Variants in PCDHA5 observed in about 807,000 individuals in gnomAD.
PCDHA5 encodes the protein protocadherin alpha 5.
Under a neutral mutation model 61.6 loss-of-function variants are expected in PCDHA5, and 43 were observed. The observed-to-expected ratio is 0.70, with a 90% CI of 0.55 to 0.90. PCDHA5 has a LOEUF of 0.90. Ranked by LOEUF, PCDHA5 falls within the 40% of genes least tolerant of loss-of-function variation. The pLI is 0.00. For missense variants in PCDHA5, 1,298 were observed against 1,222.7 expected, an observed-to-expected ratio of 1.06 and a Z score of -0.92; for synonymous variants, 627 against 543.9, an observed-to-expected ratio of 1.15 and a Z score of -2.13.
chr5:141,011,876 A>G lies in PCDHA5; in HGVS notation c.*1939A>G, dbSNP rs2098422094. ...AATTTTGTTATAATGTACAATTTAG[A>G]AGTTTGATTAATTATATTATCTATT... On this transcript the variant is annotated 3_prime_UTR_variant, in exon 4 of 4. Coordinates refer to ENST00000529859, the MANE Select transcript of PCDHA5 (RefSeq NM_018908.3). 6.5e-6 allele frequency: 1 copy of G among 153,584 alleles called. No individual in the cohort carries two copies. The highest frequency in any genetic ancestry group is 2.4e-5 in the African/African-American group (1 of 41,298). 9.5% of individuals were successfully genotyped at this position (153,584 alleles called of 1,614,324 possible).
intron 1 of PCDHA5, chr5:140,883,650 C>A: frequency 6.2e-7 from 1 of 1,613,572 alleles, no homozygotes; most frequent in East Asian, 2.2e-5. Flanking sequence ...CCCGAGTACA[C>A]GGTGTTCGTG....
chr5:140,916,721 T>G (rs2077698319), intron 1 of PCDHA5, among the ~76,000 whole-genome samples: 1 of 152,186 alleles, frequency 6.6e-6, no homozygotes, highest in Non-Finnish European at 1.5e-5. Context: ...AAGGAGTGAC[T>G]TTTGTTGCTG....
rs115795241 is a variant in PCDHA5, at chr5:140,931,728, G to A, written c.2353-47221G>A. 2.8e-3 allele frequency among the ~76,000 whole-genome samples: 427 copies of A among 151,850 alleles called. 1 individual carries two copies. The highest frequency in any genetic ancestry group is 4.4e-3 in the Non-Finnish European group (297 of 67,780). ...GAATAAAATAACTTCTATAAATATGGGGTATTTGTAATTCACAAAGGCATT... is the reference window on the plus strand; with the variant it reads ...GAATAAAATAACTTCTATAAATATGAGGTATTTGTAATTCACAAAGGCATT... On this transcript the variant is annotated intron_variant, in intron 1 of 3. Coordinates refer to ENST00000529859, the MANE Select transcript of PCDHA5 (RefSeq NM_018908.3).
At chr5:140,842,163 T>G (rs1777744239) in intron 1 of PCDHA5, 1 of 1,613,748 alleles carries the variant, frequency 6.2e-7, no homozygotes, top group African/African-American at 1.3e-5. Context: ...TCATATTCTT[T>G]TAATAGCCTT....
At chr5:140,977,373 A>G (rs1167438428) in intron 1 of PCDHA5, among the ~76,000 whole-genome samples, 1 of 152,168 alleles carries the variant, frequency 6.6e-6, no homozygotes, top group Non-Finnish European at 1.5e-5. Flanking sequence ...TATTTTAGTC[A>G]TATTTCCAGG....
At chr5:140,892,721 T>A (rs1554185338) in intron 1 of PCDHA5, among the ~76,000 whole-genome samples, 1 of 152,226 alleles carries the variant, frequency 6.6e-6, no homozygotes, top group Admixed American at 6.5e-5. Flanking sequence ...ATTCATAATC[T>A]CAAACATTTA....
chr5:140,992,584 T>C (rs1327367703), intron 3 of PCDHA5, among the ~76,000 whole-genome samples: 1 of 152,194 alleles, frequency 6.6e-6, no homozygotes, highest in Non-Finnish European at 1.5e-5. Context: ...CTGCCTTGTA[T>C]GCATCTAGCG....
chr5:140,994,784 A>G (rs1245945274), intron 3 of PCDHA5, among the ~76,000 whole-genome samples: 2 of 152,202 alleles, frequency 1.3e-5, no homozygotes, highest in Non-Finnish European at 2.9e-5. Flanking sequence ...CAAAGGAAAC[A>G]ATGCGTGCAT....
chr5:140,873,131 T>C (rs895883185), intron 1 of PCDHA5, among the ~76,000 whole-genome samples: 7 of 152,334 alleles, frequency 4.6e-5, no homozygotes, highest in Admixed American at 3.9e-4. Context: ...TCAAAGAGTC[T>C]ATGCTGAAGC....
chr5:140,846,537 G>A (rs1780542061), intron 1 of PCDHA5, among the ~76,000 whole-genome samples: 1 of 148,262 alleles, frequency 6.7e-6, no homozygotes, highest in Admixed American at 6.8e-5. Context: ...ACCATGCCCT[G>A]CTAATTTTTT....
chr5:140,843,822 A>T, intron 1 of PCDHA5: 1 of 1,214,324 alleles, frequency 8.2e-7, no homozygotes, highest in Non-Finnish European at 1.2e-6. Context: ...GTGAAAATTT[A>T]AACATTGTTT....
At chr5:140,858,233 G>A in intron 1 of PCDHA5, 2 of 1,596,216 alleles carry the variant, frequency 1.3e-6, no homozygotes, top group Non-Finnish European at 1.7e-6. Flanking sequence ...CACCGAGGGC[G>A]CATGTGGGCC....
chr5:140,834,507 G>A (rs139562115), intron 1 of PCDHA5: 2 of 1,614,136 alleles, frequency 1.2e-6, no homozygotes, highest in South Asian at 1.1e-5. Flanking sequence ...GGCTAAACAT[G>A]GCAACTTCGT....
At chr5:140,828,286 G>T (rs1479873419) in intron 1 of PCDHA5, 1 of 1,614,136 alleles carries the variant, frequency 6.2e-7, no homozygotes, top group Admixed American at 1.7e-5. Context: ...GCCTGTTCAG[G>T]ATGGCCTCCA....
rs782047530 is a variant in PCDHA5, at chr5:140,823,814, G to A, written c.2039G>A (p.Arg680Gln). Residue 680 changes from arginine to glutamine, a missense_variant, in exon 1 of 4, where the codon CGG (arginine) becomes CAG (glutamine). Physicochemically the swap from Arg to Gln is conservative, Grantham distance 43. Transcript: ENST00000529859. ...GGCCAGGCGCCGAAGGCCTCATCGCGGGCGTCGGCGGGCGCTGTGGGTCCC... is the reference window on the plus strand; with the variant it reads ...GGCCAGGCGCCGAAGGCCTCATCGCAGGCGTCGGCGGGCGCTGTGGGTCCC... ...ESGQAPKASSRASAGAVGPEA... is the reference protein window; with the variant it reads ...ESGQAPKASSQASAGAVGPEA... The A allele has an allele frequency of 6.2e-7, 1 of 1,613,762 alleles. No homozygotes were observed. The highest frequency in any genetic ancestry group is 1.7e-4 in the Middle Eastern group (1 of 6,060).
rs1472597239 is a variant in PCDHA5, at chr5:140,928,524, TG to T, written c.2353-50424del. 16 of 1,614,070 alleles carry T rather than the reference TG, an allele frequency of 9.9e-6. No individual in the cohort carries two copies. The African/African-American group carries it at 2.1e-4, about 22-fold the overall frequency. On this transcript the variant is annotated intron_variant, in intron 1 of 3. Transcript: ENST00000529859. Reference sequence around the variant, plus strand: ...GTGCAACAGTGACTATAAACTTGTTTGTGGTAGATAGGAATGACAATTATCC... The same window carrying T: ...GTGCAACAGTGACTATAAACTTGTTTTGGTAGATAGGAATGACAATTATCC...
In PCDHA5 at chr5:140,849,836, C is replaced by T. The variant is rs2150452657; in HGVS notation, c.2352+25709C>T. 6 of 1,598,428 alleles carry T rather than the reference C, an allele frequency of 3.8e-6. 1 individual carries two copies. The Admixed American group carries it at 5.1e-5, about 13-fold the overall frequency. On this transcript the variant is annotated intron_variant, in intron 1 of 3. Coordinates refer to ENST00000529859, the MANE Select transcript of PCDHA5 (RefSeq NM_018908.3). Reference sequence around the variant, plus strand: ...CCAGGGTGTCTGTGGAGGTGGCCGACGTGAACGACAACGCACCAGCGTTCG... The same window carrying T: ...CCAGGGTGTCTGTGGAGGTGGCCGATGTGAACGACAACGCACCAGCGTTCG...
intron 1 of PCDHA5, chr5:140,847,315 A>C (rs2150398811): frequency 1.3e-5 from 2 of 149,940 alleles, no homozygotes; most frequent in Non-Finnish European, 3.0e-5. Context: ...AATCAAGGAC[A>C]GAAGCAATTG....
intron 1 of PCDHA5, chr5:140,841,851 A>C: frequency 6.2e-7 from 1 of 1,613,782 alleles, no homozygotes; most frequent in South Asian, 1.1e-5. Flanking sequence ...TCTCATGATT[A>C]CTTCATGCTA....
Sources: allele counts gnomAD v4.1 joint callset (sites outside exome capture counted in the v4.1 genomes callset), GRCh38; gene constraint gnomAD v4.1.1; transcripts MANE v1.5; gene names NCBI Gene and HGNC (gene_info 2026-07-23, HGNC 2026-07-21).